SLC22A6: variants seen among roughly 807,000 people sequenced by gnomAD.
The protein encoded by SLC22A6 is PAH transporter.
A neutral mutation model predicts 56.7 loss-of-function variants in SLC22A6; 45 were observed. The observed-to-expected ratio is 0.79, with a 90% confidence interval of 0.63 to 1.02. SLC22A6 has a LOEUF of 1.02. Ranked by LOEUF, SLC22A6 falls within the 50% of genes least tolerant of loss-of-function variation. SLC22A6 has a pLI of 0.00. For synonymous variants in SLC22A6, 291 were observed against 295.9 expected (o/e 0.98, Z 0.17); for missense variants, 606 against 713.8 (o/e 0.85, Z 1.72).
rs1268981608 is a variant in SLC22A6 at position 62,976,698 on chromosome 11, G to T, written c.*96C>A. 2.1e-5 allele frequency: 21 copies of T among 1,016,472 alleles called. No homozygotes were observed. The Admixed American group carries it at 5.1e-4, about 24-fold the overall frequency. 63.0% of individuals were successfully genotyped at this position (1,016,472 alleles called of 1,614,324 possible). On this transcript the variant is annotated 3_prime_UTR_variant, in exon 10 of 10. Coordinates refer to ENST00000360421, the MANE Select transcript of SLC22A6 (RefSeq NM_153276.3). ...TTCCTGAACCACAACCCCCACACTTGGGTCACCATTTCCTCTTCCTCCTCC... is the reference window on the plus strand; with the variant it reads ...TTCCTGAACCACAACCCCCACACTTTGGTCACCATTTCCTCTTCCTCCTCC...
chr11:62,980,031 T>C, intron 6 of SLC22A6, 83 bp from the exon 7 acceptor site: 1 of 908,876 alleles, frequency 1.1e-6, no homozygotes, highest in Admixed American at 1.9e-5. Flanking sequence ...GGGAACTGCA[T>C]TGGGTACCCT....
Position 62,983,108 on chromosome 11 carries a change from A to G in SLC22A6, c.628+429T>C, listed in dbSNP as rs929033538. On this transcript the variant is annotated intron_variant, in intron 3 of 9. Transcript: ENST00000360421. The surrounding 1 kb of genome is among the most constrained non-coding windows in gnomAD (Gnocchi z 4.5). Reference sequence around the variant, plus strand: ...TGCCCAGGCTGGAGTGCAGTGGCGCAATCTCCGCTCACTGAAAGCTCCGCC... The same window carrying G: ...TGCCCAGGCTGGAGTGCAGTGGCGCGATCTCCGCTCACTGAAAGCTCCGCC... Among the ~76,000 whole-genome samples the G allele has an allele frequency of 1.3e-5, 2 of 150,770 alleles. No homozygotes were observed. The highest frequency in any genetic ancestry group is 6.6e-5 in the Admixed American group (1 of 15,116).
At chr11:62,981,214 G>A (rs1348271531) in intron 5 of SLC22A6, 46 bp downstream of exon 5, 3 of 1,607,492 alleles carry the variant, frequency 1.9e-6, no homozygotes, top group Middle Eastern at 1.7e-4. Context: ...GGGGTTTGGG[G>A]GTGAAGCCCT....
chr11:62,981,368 C>T lies in SLC22A6; in HGVS notation c.813G>A (p.Ser271=), dbSNP rs759526127. The change falls in exon 5 of 10, where the codon TCG becomes TCA. Residue 271 remains serine, a synonymous_variant. Transcript: ENST00000360421. ...FFIYSWFFIE[S]ARWHSSSGRL... ...TCCCGGAGGAGGAGTGCCAGCGGGC[C>T]GACTCAATGAAGAACCTGGGAGCGG... 21 of 1,568,390 alleles carry T rather than the reference C, an allele frequency of 1.3e-5. No homozygotes were observed. The highest frequency in any genetic ancestry group is 5.8e-5 in the South Asian group (5 of 86,520).
rs1358502356 is a variant in SLC22A6 at position 62,979,876 on chromosome 11, G to T, written c.1110C>A (p.Ile370=). ...GGTCCACAGCACCAAAGATCACCTG[G>T]ATTAGGTAGATGCTGACTCCAAAGC... The part of the protein sequence containing the change: ...LQGFGVSIYL[I]QVIFGAVDLP... Residue 370 remains isoleucine, a synonymous_variant, in exon 7 of 10, where the codon ATC becomes ATA. Coordinates refer to ENST00000360421, the MANE Select transcript of SLC22A6 (RefSeq NM_153276.3). The T allele has an allele frequency of 6.2e-7, 1 of 1,614,188 alleles. No individual in the cohort carries two copies. Among genetic ancestry groups the T allele is most frequent in the South Asian group, 1.1e-5 (1 of 91,086 alleles).
Position 62,976,602 on chromosome 11 carries a change from C to G in SLC22A6, c.*192G>C. 1.9e-6 allele frequency: 1 copy of G among 518,254 alleles called. No homozygotes were observed. The highest frequency in any genetic ancestry group is 2.9e-5 in the South Asian group (1 of 34,740). 32.1% of individuals were successfully genotyped at this position (518,254 alleles called of 1,614,324 possible). ...ACAAGAGAGACACAGAGAGATGGTG[C>G]GCAGTCAAACCTTTTAATGATGTGG... On this transcript the variant is annotated 3_prime_UTR_variant, in exon 10 of 10. Transcript: ENST00000360421.
chr11:62,980,047 A>G (rs1590675100), intron 6 of SLC22A6, 99 bp from the exon 7 acceptor site: 1 of 782,734 alleles, frequency 1.3e-6, no homozygotes, highest in Non-Finnish European at 2.2e-6. Flanking sequence ...ACCCTGCTTA[A>G]GGAGCTGGAA....
At chr11:62,981,408 GTCAGCAT>G in intron 4 of SLC22A6, 25 bp from the exon 5 acceptor site, 1 of 1,303,868 alleles carries the variant, frequency 7.7e-7, no homozygotes, top group Non-Finnish European at 1.0e-6. Flanking sequence ...GGGGGTGGGT[GTCAGCAT>G]GGCTTCAGTT....
At chr11:62,979,662 C>A in intron 7 of SLC22A6, 66 bp from the exon 8 acceptor site, 1 of 1,593,012 alleles carries the variant, frequency 6.3e-7, no homozygotes, top group Non-Finnish European at 8.6e-7. Flanking sequence ...TGGCCCCCTC[C>A]CTTCTGAGAT....
At chr11:62,977,443 T>TG (rs1452641463) in intron 8 of SLC22A6, 56 bp from the exon 9 acceptor site, 1 of 1,543,894 alleles carries the variant, frequency 6.5e-7, no homozygotes, top group Non-Finnish European at 8.7e-7. Context: ...AATGCCCAGA[T>TG]GCTGGTCCCA....
chr11:62,984,240 C>T, intron 1 of SLC22A6, 82 bp downstream of exon 1: 1 of 1,478,932 alleles, frequency 6.8e-7, no homozygotes, highest in Non-Finnish European at 9.1e-7. Flanking sequence ...CAGTTAATTT[C>T]TCCATGTACT....
chr11:62,980,971 C>T lies in SLC22A6; in HGVS notation c.1037+14G>A. The T allele has an allele frequency of 1.3e-6, 2 of 1,585,134 alleles. No individual in the cohort carries two copies. The highest frequency in any genetic ancestry group is 1.7e-6 in the Non-Finnish European group (2 of 1,162,050). The stretch of plus-strand genomic sequence containing the variant: ...CAGCCTTTTGTCTCAGTCTGTCTGT[C>T]TTTCTGGGCCTACCACAGCATGGAG... On this transcript the variant is annotated intron_variant, in intron 6 of 9. Coordinates refer to ENST00000360421, the MANE Select transcript of SLC22A6 (RefSeq NM_153276.3).
In SLC22A6 at chr11:62,976,897, A is replaced by G. The variant is rs780061145; in HGVS notation, c.1566-16T>C. 10 of 1,613,080 alleles carry G rather than the reference A, an allele frequency of 6.2e-6. No homozygotes were observed. Among genetic ancestry groups the G allele is most frequent in the Non-Finnish European group, 8.5e-6 (10 of 1,179,622 alleles). On this transcript the variant is annotated splice_polypyrimidine_tract_variant and intron_variant, in intron 9 of 9. Transcript: ENST00000360421. ...TTTCCCTTTCCTGCAGGGCGGCAGA[A>G]GAATGGCACTCTGGGTATGCAGCCT...
Position 62,984,819 on chromosome 11 carries a change from GGAGCTGAGTCC to G in SLC22A6, c.-140_-130del. 9.7e-7 allele frequency: 1 copy of G among 1,028,188 alleles called. No individual in the cohort carries two copies. Among genetic ancestry groups the G allele is most frequent in the South Asian group, 1.7e-5 (1 of 59,768 alleles). 63.7% of individuals were successfully genotyped at this position (1,028,188 alleles called of 1,614,324 possible). ...TTGCCTCCGCAGCTGGGTTGCTCCG[GGAGCTGAGTCC>G]GAGCTGCTCTGTGGGGGGACAGCAG... On this transcript the variant is annotated 5_prime_UTR_variant, in exon 1 of 10. Coordinates refer to ENST00000360421, the MANE Select transcript of SLC22A6 (RefSeq NM_153276.3).
chr11:62,977,479 GC>G (rs1348205681), intron 8 of SLC22A6, 92 bp from the exon 9 acceptor site: 6 of 1,435,076 alleles, frequency 4.2e-6, no homozygotes, highest in Non-Finnish European at 5.6e-6. Flanking sequence ...CTCAGGCTCA[GC>G]CCCCAGGACA....
Position 62,984,201 on chromosome 11 carries a change from C to T in SLC22A6, c.369+121G>A, listed in dbSNP as rs118173074. 6.9e-4 allele frequency: 936 copies of T among 1,351,170 alleles called. 4 individuals are homozygous for T. In the East Asian group the frequency reaches 0.017, roughly 24 times the overall value. The allele number at this position is 1,351,170 out of a possible 1,614,324, so 83.7% of individuals were successfully genotyped here. On this transcript the variant is annotated intron_variant, in intron 1 of 9. Coordinates refer to ENST00000360421, the MANE Select transcript of SLC22A6 (RefSeq NM_153276.3). ...GGTCCTGACAGCTGAGAGCATTTTT[C>T]TTTTTAACTCAGCAGTTAAAAAACT...
chr11:62,981,445 G>GGGGC, intron 4 of SLC22A6, 62 bp from the exon 5 acceptor site: 1 of 707,950 alleles, frequency 1.4e-6, no homozygotes, highest in Non-Finnish European at 2.2e-6. Context: ...TGGGTGGGGG[G>GGGGC]CTGGGGCTGG....
intron 8 of SLC22A6, among the ~76,000 whole-genome samples, chr11:62,978,266 G>C (rs2086212425): frequency 6.6e-6 from 1 of 151,688 alleles, no homozygotes; most frequent in Admixed American, 6.6e-5. Flanking sequence ...AGGGAAGCCT[G>C]ACATTTCTTT....
At chr11:62,981,807 T>C in intron 4 of SLC22A6, 35 bp downstream of exon 4, 1 of 1,571,280 alleles carries the variant, frequency 6.4e-7, no homozygotes, top group Non-Finnish European at 8.6e-7. Context: ...TCTGGGCTCC[T>C]GTGGCAACCA....
Sources: allele counts gnomAD v4.1 joint callset (sites outside exome capture counted in the v4.1 genomes callset), GRCh38; gene constraint gnomAD v4.1.1; non-coding constraint Gnocchi (gnomAD v3.1); transcripts MANE v1.5; gene names NCBI Gene and HGNC (gene_info 2026-07-23, HGNC 2026-07-21).